NEMP1: variants seen among roughly 807,000 people sequenced by gnomAD.
NEMP1 encodes the protein transmembrane protein 194.
NEMP1 carries 29 observed loss-of-function variants against 53.7 expected under a neutral mutation model. That is an observed-to-expected ratio of 0.54 (90% CI 0.40 to 0.74). NEMP1 has a LOEUF of 0.74. Ranked by LOEUF, NEMP1 falls within the 30% of genes least tolerant of loss-of-function variation. The probability of loss-of-function intolerance (pLI) is 0.00; values close to 1 mark genes in which losing one functional copy is unlikely to be tolerated. For missense variants in NEMP1, 477 were observed against 528.6 expected (o/e 0.90, Z 0.96); for synonymous variants, 193 against 192.9 (o/e 1.00, Z 0.00).
chr12:57,087,496 A>G (rs1484046747), intron 1 of NEMP1, among the ~76,000 whole-genome samples: 2 of 150,808 alleles, frequency 1.3e-5, no homozygotes, highest in African/African-American at 2.4e-5. Flanking sequence ...GAGCGTCCCC[A>G]GGGGAGCCCG....
At position 57,058,688 on chromosome 12, in the gene NEMP1, T is replaced by C. The variant is rs971018427; in HGVS notation, c.*1191A>G. The C allele has an allele frequency of 7.2e-5, 11 of 152,232 alleles. No homozygotes were observed. The highest frequency in any genetic ancestry group is 2.4e-4 in the African/African-American group (10 of 41,454). 9.4% of individuals were successfully genotyped at this position (152,232 alleles called of 1,614,324 possible). A position where few individuals can be genotyped will look rare whatever the true frequency, so the allele number is the denominator to read the frequency against. On this transcript the variant is annotated 3_prime_UTR_variant, in exon 9 of 9. Transcript: ENST00000300128. ...AGCACCCAGAGGCATGAAGATAACC[T>C]GGAGCCTATTTCCTGGCAATGCAAA...
intron 1 of NEMP1, among the ~76,000 whole-genome samples, chr12:57,077,188 C>G (rs982661917): frequency 4.6e-5 from 7 of 151,628 alleles, no homozygotes; most frequent in African/African-American, 1.7e-4. Context: ...AAAAATTAGC[C>G]GGGCGTGGTG....
At chr12:57,063,449 G>T in intron 6 of NEMP1, 105 bp from the exon 7 acceptor site, 5 of 812,302 alleles carry the variant, frequency 6.2e-6, no homozygotes, top group South Asian at 1.9e-5. Flanking sequence ...AATTGAACTA[G>T]GAAATCAGAT....
intron 1 of NEMP1, among the ~76,000 whole-genome samples, chr12:57,074,585 G>A (rs887030825): frequency 6.8e-6 from 1 of 146,624 alleles, no homozygotes; most frequent in Non-Finnish European, 1.5e-5. Flanking sequence ...GATTACAGGC[G>A]TAAGCCACCA....
chr12:57,060,325 C>CAAG (rs2031739327), intron 8 of NEMP1, among the ~76,000 whole-genome samples: 1 of 152,158 alleles, frequency 6.6e-6, no homozygotes, highest in Non-Finnish European at 1.5e-5. Flanking sequence ...ATGAAAGTGC[C>CAAG]AAGGTTCCTT....
chr12:57,066,882 C>T (rs940367422), intron 4 of NEMP1, among the ~76,000 whole-genome samples: 4 of 152,220 alleles, frequency 2.6e-5, no homozygotes, highest in African/African-American at 9.6e-5. Context: ...ACTTGGTTCT[C>T]ATTCTCTCTT....
intron 4 of NEMP1, among the ~76,000 whole-genome samples, chr12:57,066,203 C>T (rs1194968501): frequency 6.6e-6 from 1 of 151,938 alleles, no homozygotes; most frequent in Non-Finnish European, 1.5e-5. Flanking sequence ...TGCAGTGAGC[C>T]GAGATCACGC....
chr12:57,072,737 C>A, intron 2 of NEMP1, 51 bp downstream of exon 2: 1 of 1,547,560 alleles, frequency 6.5e-7, no homozygotes, highest in Non-Finnish European at 8.8e-7. Flanking sequence ...TCACTAATCA[C>A]CAACAGAAAT....
At position 57,069,244 on chromosome 12, in the gene NEMP1, A is replaced by G. The variant is rs1300409767; in HGVS notation, c.535T>C (p.Leu179=). Residue 179 remains leucine (L), a synonymous_variant, in exon 4 of 9, where the codon TTG becomes CTG. Transcript: ENST00000300128. ...AGCCTTGGAACCTACCTGCTCAGCAAGTCTCCACAAAAAAATAGCATAAGT... is the reference window on the plus strand; with the variant it reads ...AGCCTTGGAACCTACCTGCTCAGCAGGTCTCCACAAAAAAATAGCATAAGT... ...LGLMLFFCGD[L]LSRSQIFYYS... The G allele has an allele frequency of 2.6e-6, 4 of 1,547,372 alleles. No homozygotes were observed. The highest frequency in any genetic ancestry group is 3.5e-6 in the Non-Finnish European group (4 of 1,145,776).
chr12:57,079,116 T>C (rs529059842), upstream of NEMP1, among the ~76,000 whole-genome samples: 56 of 152,230 alleles, frequency 3.7e-4, no homozygotes, highest in Non-Finnish European at 7.3e-4. Flanking sequence ...GGTATTTCCA[T>C]AGAAGCTGTC....
At chr12:57,075,650 C>T (rs1017217510) in intron 1 of NEMP1, among the ~76,000 whole-genome samples, 2 of 150,498 alleles carry the variant, frequency 1.3e-5, no homozygotes, top group Admixed American at 1.3e-4. Context: ...ATGATGAAAC[C>T]CCATCTCTAC....
upstream of NEMP1, among the ~76,000 whole-genome samples, chr12:57,079,949 ATTGTTG>A (rs747167133): frequency 6.6e-5 from 10 of 151,158 alleles, no homozygotes; most frequent in East Asian, 1.9e-4. Flanking sequence ...TGTTTGTTTC[ATTGTTG>A]TTGTTGTTGT....
chr12:57,066,497 T>C (rs2032083541), intron 4 of NEMP1, among the ~76,000 whole-genome samples: 1 of 152,204 alleles, frequency 6.6e-6, no homozygotes, highest in Admixed American at 6.5e-5. Context: ...TCACTAAGCA[T>C]AATCAGAGAG....
chr12:57,080,840 G>A (rs1379970407), upstream of NEMP1, among the ~76,000 whole-genome samples: 4 of 149,408 alleles, frequency 2.7e-5, no homozygotes, highest in Admixed American at 2.0e-4. Context: ...GCAGTGAGCC[G>A]AGATCATGCC....
intron 1 of NEMP1, among the ~76,000 whole-genome samples, chr12:57,075,918 C>T (rs1012610703): frequency 2.0e-5 from 3 of 151,600 alleles, no homozygotes; most frequent in Non-Finnish European, 4.4e-5. Context: ...GCCTGGCCAA[C>T]ATGGCGAAAT....
upstream of NEMP1, among the ~76,000 whole-genome samples, chr12:57,088,322 G>A (rs1215972746): frequency 1.3e-5 from 2 of 152,204 alleles, no homozygotes; most frequent in Admixed American, 1.3e-4. Flanking sequence ...GGCTAGCATG[G>A]AGGCCTGGGT....
chr12:57,087,387 G>A (rs1055955896), intron 1 of NEMP1, among the ~76,000 whole-genome samples: 1 of 152,046 alleles, frequency 6.6e-6, no homozygotes, highest in South Asian at 2.1e-4. Context: ...GGGGGAGGGA[G>A]GGGGCACGTG....
At chr12:57,084,808 G>T (rs1009770611) in intron 1 of NEMP1, among the ~76,000 whole-genome samples, 4 of 152,170 alleles carry the variant, frequency 2.6e-5, no homozygotes, top group African/African-American at 9.7e-5. Flanking sequence ...TAAGCATTTA[G>T]AAAGTTTTAT....
chr12:57,060,824 T>C lies in NEMP1; in HGVS notation c.1102A>G (p.Ser368Gly). The change falls in exon 8 of 9, where the codon AGT becomes GGT. Residue 368 changes from serine (S) to glycine (G), a missense_variant. Transcript: ENST00000300128. ...ALEELREFCN[S>G]PDCSAWKTVS... ...GTCTTCCAAGCAGAGCAGTCTGGAC[T>C]GTTACAAAATTCTCGGAGCTCCTCT... The C allele has an allele frequency of 1.2e-6, 2 of 1,614,186 alleles. No individual in the cohort carries two copies. The highest frequency in any genetic ancestry group is 1.3e-5 in the African/African-American group (1 of 75,048).
Sources: allele counts gnomAD v4.1 joint callset (sites outside exome capture counted in the v4.1 genomes callset), GRCh38; gene constraint gnomAD v4.1.1; transcripts MANE v1.5; gene names NCBI Gene and HGNC (gene_info 2026-07-23, HGNC 2026-07-21).